C12orf54: variants seen among roughly 807,000 people sequenced by gnomAD.
C12orf54 encodes the protein chromosome 12 open reading frame 54, also known as uncharacterized protein C12orf54.
In C12orf54, 24 loss-of-function variants were observed where a neutral mutation model predicts 26.4. The ratio of observed to expected loss-of-function variants is 0.91; its 90% CI spans 0.66 to 1.28. The LOEUF (loss-of-function observed/expected upper bound fraction) is 1.28. Among genes scored for constraint, C12orf54 ranks in the 50% most tolerant of loss-of-function variants. C12orf54 has a pLI of 0.00. For synonymous variants in C12orf54, 54 were observed against 47.0 expected, an observed-to-expected ratio of 1.15 and a Z score of -0.61; for missense variants, 154 against 150.9, an observed-to-expected ratio of 1.02 and a Z score of -0.11.
the C12orf54 span, among the ~76,000 whole-genome samples, chr12:48,430,366 C>G: frequency 6.6e-6 from 1 of 152,132 alleles, no homozygotes; most frequent in Non-Finnish European, 1.5e-5. Context: ...AGTAAACAGA[C>G]AACCCACAGA....
chr12:48,468,728 A>G, the C12orf54 span, among the ~76,000 whole-genome samples: 3 of 152,150 alleles, frequency 2.0e-5, no homozygotes, highest in Non-Finnish European at 4.4e-5. Flanking sequence ...TGAGCTTAGT[A>G]CCCAATAGGT....
At chr12:48,423,063 T>C in the C12orf54 span, among the ~76,000 whole-genome samples, 1 of 152,152 alleles carries the variant, frequency 6.6e-6, no homozygotes, top group African/African-American at 2.4e-5. Context: ...CAAATGCATC[T>C]GTCAGAGGTG....
At chr12:48,454,585 C>T in the C12orf54 span, among the ~76,000 whole-genome samples, 1 of 152,106 alleles carries the variant, frequency 6.6e-6, no homozygotes, top group African/African-American at 2.4e-5. Context: ...GTCCTCCTGC[C>T]CCTTCTTCTC....
At chr12:48,479,202 G>C (rs896284736), upstream of C12orf54, among the ~76,000 whole-genome samples, 2 of 152,174 alleles carry the variant, frequency 1.3e-5, no homozygotes, top group African/African-American at 4.8e-5. Flanking sequence ...ATGAGTTCAT[G>C]TCCTTTGTAG....
chr12:48,423,204 G>A, the C12orf54 span, among the ~76,000 whole-genome samples: 1 of 152,026 alleles, frequency 6.6e-6, no homozygotes, highest in African/African-American at 2.4e-5. Flanking sequence ...GTAGGGTGAG[G>A]AAGAACTTCT....
In C12orf54 at chr12:48,487,976, A is replaced by T. The variant is rs1304928495; in HGVS notation, c.136-948A>T. 4 of 772,938 alleles carry T rather than the reference A, an allele frequency of 5.2e-6. No homozygotes were observed. In the Admixed American group the frequency reaches 5.4e-5, roughly 10 times the overall value. The allele number at this position is 772,938 out of a possible 1,614,324, so 47.9% of individuals were successfully genotyped here. On this transcript the variant is annotated intron_variant, in intron 4 of 8. Coordinates refer to ENST00000548364, the MANE Select transcript of C12orf54 (RefSeq NM_152319.4). ...GATACCTAAGAAGAACTGGGTTGCCATTTATGAACTCCTTTTTAAGGAGAG... is the reference window on the plus strand; with the variant it reads ...GATACCTAAGAAGAACTGGGTTGCCTTTTATGAACTCCTTTTTAAGGAGAG...
intron 7 of C12orf54, among the ~76,000 whole-genome samples, chr12:48,493,924 A>T (rs1282012261): frequency 1.5e-5 from 1 of 65,750 alleles, no homozygotes; most frequent in African/African-American, 6.0e-5. Flanking sequence ...AATAATGTTT[A>T]AAAAAAAAAT....
At chr12:48,483,411 A>G (rs376286738) in intron 2 of C12orf54, 50 bp downstream of exon 2, 7 of 1,566,532 alleles carry the variant, frequency 4.5e-6, no homozygotes, top group Non-Finnish European at 6.1e-6. Context: ...GCTATACTCT[A>G]TGGGAGAAGA....
the C12orf54 span, among the ~76,000 whole-genome samples, chr12:48,433,183 A>T: frequency 6.6e-6 from 1 of 152,220 alleles, no homozygotes; most frequent in Non-Finnish European, 1.5e-5. Context: ...ACAGCAGATC[A>T]GCCTTGGTGA....
intron 1 of C12orf54, among the ~76,000 whole-genome samples, chr12:48,483,017 A>T (rs1954215181): frequency 6.6e-6 from 1 of 151,730 alleles, no homozygotes; most frequent in African/African-American, 2.4e-5. Flanking sequence ...CAGGGCAAAT[A>T]CTTCCTTCCT....
chr12:48,423,947 T>A, the C12orf54 span, among the ~76,000 whole-genome samples: 3 of 152,142 alleles, frequency 2.0e-5, no homozygotes, highest in African/African-American at 7.2e-5. Context: ...TGTTTTTTCC[T>A]TTAAATATAA....
At chr12:48,437,022 G>GAA in the C12orf54 span, among the ~76,000 whole-genome samples, 1 of 150,668 alleles carries the variant, frequency 6.6e-6, no homozygotes, top group Non-Finnish European at 1.5e-5. Context: ...GACTAATAAA[G>GAA]AAGAGAGAAG....
chr12:48,444,927 CTT>C, the C12orf54 span, among the ~76,000 whole-genome samples: 1 of 152,144 alleles, frequency 6.6e-6, no homozygotes, highest in South Asian at 2.1e-4. Context: ...AATCCCAGCA[CTT>C]TGGGAGGCCG....
At chr12:48,435,254 G>T in the C12orf54 span, among the ~76,000 whole-genome samples, 1 of 152,182 alleles carries the variant, frequency 6.6e-6, no homozygotes. Context: ...AGAAATATGG[G>T]ACTATGTGAA....
chr12:48,471,037 G>A, the C12orf54 span, among the ~76,000 whole-genome samples: 44 of 152,120 alleles, frequency 2.9e-4, no homozygotes, highest in African/African-American at 1.0e-3. Flanking sequence ...TCACCCTGTT[G>A]TGCTATCAAA....
At chr12:48,456,410 G>A in the C12orf54 span, among the ~76,000 whole-genome samples, 1 of 152,198 alleles carries the variant, frequency 6.6e-6, no homozygotes, top group Non-Finnish European at 1.5e-5. Context: ...ATTTGACCCT[G>A]CCTTATCTAG....
the C12orf54 span, among the ~76,000 whole-genome samples, chr12:48,450,324 C>T: frequency 5.3e-5 from 8 of 152,156 alleles, no homozygotes; most frequent in Non-Finnish European, 8.8e-5. Context: ...CTCTGGGATG[C>T]AGCTAAAGCA....
At chr12:48,480,530 G>C (rs1292738876), upstream of C12orf54, among the ~76,000 whole-genome samples, 1 of 152,112 alleles carries the variant, frequency 6.6e-6, no homozygotes, top group Non-Finnish European at 1.5e-5. Flanking sequence ...ATCACAATGA[G>C]ACATCTCATC....
chr12:48,495,587 C>A (rs1319959504), intron 8 of C12orf54: 1 of 152,646 alleles, frequency 6.6e-6, no homozygotes, highest in African/African-American at 2.4e-5. Context: ...GAGAAGAAGA[C>A]TGTCTCAGGT....
Sources: gnomAD v4.1 joint callset for allele counts (sites outside exome capture counted in the v4.1 genomes callset) on GRCh38, gnomAD v4.1.1 for gene constraint, MANE v1.5 for transcripts, NCBI Gene and HGNC (gene_info 2026-07-23, HGNC 2026-07-21) for gene names.